Variants in F13A1 observed in about 807,000 individuals in gnomAD.
F13A1 encodes the protein coagulation factor XIII A chain.
Under a neutral mutation model 80.1 loss-of-function variants are expected in F13A1, and 47 were observed. The observed-to-expected ratio is 0.59, with a 90% CI of 0.46 to 0.75. The LOEUF is 0.75. Among genes scored for constraint, F13A1 ranks in the 30% least tolerant of loss-of-function variants. The pLI is 0.00. For missense variants in F13A1, 817 were observed against 930.4 expected (o/e 0.88, Z 1.59); for synonymous variants, 349 against 344.9 (o/e 1.01, Z -0.13).
At chr6:6,285,685 C>A (rs190905745) in intron 3 of F13A1, among the ~76,000 whole-genome samples, 1 of 152,210 alleles carries the variant, frequency 6.6e-6, no homozygotes, top group Non-Finnish European at 1.5e-5. Context: ...GGGCTTCCCC[C>A]ACTACGCACA....
At chr6:6,249,906 C>T (rs553633449) in intron 5 of F13A1, among the ~76,000 whole-genome samples, 38 of 152,202 alleles carry the variant, frequency 2.5e-4, no homozygotes, top group African/African-American at 8.4e-4. Context: ...TGTAATTCTC[C>T]GGAGTCAGGG....
In F13A1 at chr6:6,172,160, G is replaced by GGT. The variant is rs368912632; in HGVS notation, c.1747+2418_1747+2419dup. Among the ~76,000 whole-genome samples, 761 of 152,246 alleles carry GGT rather than the reference G, an allele frequency of 5.0e-3. 6 individuals are homozygous for GGT. The highest frequency in any genetic ancestry group is 0.017 in the African/African-American group (698 of 41,540). ...TAGGGGAATGAATCAAGAACCCCGG[G>GGT]GTGTGTGTGCTGTTTTTCCCCTTTG... is the stretch of plus-strand genomic sequence containing the variant. On this transcript the variant is annotated intron_variant, in intron 12 of 14. Transcript: ENST00000264870.
intron 14 of F13A1, among the ~76,000 whole-genome samples, 177 bp from the exon 15 acceptor site, chr6:6,145,949 A>G (rs1760271413): frequency 6.6e-6 from 1 of 152,064 alleles, no homozygotes. Context: ...CCCCCACATA[A>G]AGCTCTGCAG....
chr6:6,294,895 T>A (rs13212799), intron 3 of F13A1, among the ~76,000 whole-genome samples: 1 of 77,388 alleles, frequency 1.3e-5, no homozygotes, highest in African/African-American at 5.1e-5. Context: ...CCCTCCCCCC[T>A]CCCCCCACCC....
chr6:6,302,383 T>C (rs1441120737), intron 3 of F13A1, among the ~76,000 whole-genome samples: 1 of 152,208 alleles, frequency 6.6e-6, no homozygotes, highest in East Asian at 1.9e-4. Context: ...CTAGGCTATA[T>C]GGCAGAGCCT....
rs748126574 is a variant in F13A1, at chr6:6,266,659, T to C, written c.470A>G (p.Lys157Arg). The C allele has an allele frequency of 1.2e-5, 20 of 1,614,072 alleles. No homozygotes were observed. Among genetic ancestry groups the C allele is most frequent in the African/African-American group, 2.7e-5 (2 of 74,922 alleles). Residue 157 changes from lysine to arginine, a missense_variant, in exon 4 of 15, where the codon AAA becomes AGA. Physicochemically the swap from Lys to Arg is conservative, Grantham distance 26. Transcript: ENST00000264870. ...CCAGACAGCAACATACATGCGGAAT[T>C]TCCCCACAATACATTTGGGGGAAGA... ...IQSSPKCIVG[K>R]FRMYVAVWTP...
chr6:6,212,764 G>A (rs1319895465), intron 8 of F13A1, among the ~76,000 whole-genome samples: 1 of 152,146 alleles, frequency 6.6e-6, no homozygotes, highest in African/African-American at 2.4e-5. Context: ...CAAAGGCAAA[G>A]AAGTTGAAAA....
intron 4 of F13A1, among the ~76,000 whole-genome samples, chr6:6,265,007 T>A (rs1275807738): frequency 2.0e-5 from 3 of 152,104 alleles, no homozygotes; most frequent in African/African-American, 7.2e-5. Context: ...ATGACTGTAA[T>A]CCCAACACTT....
intron 4 of F13A1, among the ~76,000 whole-genome samples, chr6:6,253,139 T>A (rs1561668978): frequency 2.8e-5 from 2 of 70,502 alleles, no homozygotes; most frequent in African/African-American, 1.2e-4. Flanking sequence ...CTAGAATCTG[T>A]CCCAAAAAAA....
intron 2 of F13A1, among the ~76,000 whole-genome samples, chr6:6,306,111 C>T (rs746410003): frequency 1.3e-5 from 2 of 152,186 alleles, no homozygotes; most frequent in Non-Finnish European, 2.9e-5. Context: ...TAGATCTCAT[C>T]CCTCAAATGC....
At chr6:6,317,263 CTAACATA>C (rs1243924026) in intron 2 of F13A1, among the ~76,000 whole-genome samples, 1 of 152,186 alleles carries the variant, frequency 6.6e-6, no homozygotes, top group Admixed American at 6.5e-5. Flanking sequence ...CCTCTATTTC[CTAACATA>C]TAACATGGGG....
chr6:6,255,025 T>A (rs1040889466), intron 4 of F13A1, among the ~76,000 whole-genome samples: 1 of 152,190 alleles, frequency 6.6e-6, no homozygotes, highest in Admixed American at 6.5e-5. Context: ...TTTTTTATTA[T>A]CAGAGTCCTT....
chr6:6,172,159 G>A (rs1386518238), intron 12 of F13A1, among the ~76,000 whole-genome samples: 1 of 152,116 alleles, frequency 6.6e-6, no homozygotes, highest in Non-Finnish European at 1.5e-5. Flanking sequence ...AAGAACCCCG[G>A]GGTGTGTGTG....
intron 4 of F13A1, among the ~76,000 whole-genome samples, chr6:6,252,784 T>A (rs6597197): frequency 6.6e-6 from 1 of 151,994 alleles, no homozygotes; most frequent in Non-Finnish European, 1.5e-5. Flanking sequence ...ATGACCAATG[T>A]GAACCCAACC....
Position 6,211,870 on chromosome 6 carries a change from C to T in F13A1, c.1112+10163G>A, listed in dbSNP as rs183523639. On this transcript the variant is annotated intron_variant, in intron 8 of 14. Coordinates refer to ENST00000264870, the MANE Select transcript of F13A1 (RefSeq NM_000129.4). ...GTGAGGCATTGCCTCACTCGGGAAG[C>T]GCAAGGGGTCAGGGAGTTCCCTTCC... Among the ~76,000 whole-genome samples, 834 of 152,320 alleles carry T rather than the reference C, an allele frequency of 5.5e-3. 13 individuals carry two copies. Among genetic ancestry groups the T allele is most frequent in the African/African-American group, 0.019 (782 of 41,576 alleles).
rs201302247 is a variant in F13A1 at position 6,151,822 on chromosome 6, T to A, written c.2036A>T (p.Lys679Met). The change falls in exon 14 of 15, where the codon AAG becomes ATG. Residue 679 changes from lysine to methionine, a missense_variant. Lys to Met is a moderately conservative substitution (Grantham distance 95). Coordinates refer to ENST00000264870, the MANE Select transcript of F13A1 (RefSeq NM_000129.4). ...CCAACCCAAGGTTTACCGGAACATC[T>A]TCTTCATTGGTCTTGTTACTCCAGG... ...DGPGVTRPMKKMFREIRPNST... is the reference protein window; with the variant it reads ...DGPGVTRPMKMMFREIRPNST... The A allele has an allele frequency of 1.2e-4, 189 of 1,613,966 alleles. No homozygotes were observed. Among genetic ancestry groups the A allele is most frequent in the Admixed American group, 6.7e-5 (4 of 60,000 alleles).
rs374636415 is a variant in F13A1, at chr6:6,205,795, TAAAAC to T, written c.1113-8474_1113-8470del. ...TTTGGCAAAAATAAAACACAAGTTA[TAAAAC>T]AAAACAAAACGAAAACAACAAAAAT... On this transcript the variant is annotated intron_variant, in intron 8 of 14. Coordinates refer to ENST00000264870, the MANE Select transcript of F13A1 (RefSeq NM_000129.4). Among the ~76,000 whole-genome samples, 56 of 152,056 alleles carry T rather than the reference TAAAAC, an allele frequency of 3.7e-4. No individual in the cohort carries two copies. The East Asian group carries it at 5.8e-3, about 16-fold the overall frequency.
intron 8 of F13A1, among the ~76,000 whole-genome samples, chr6:6,209,401 A>G (rs1761560643): frequency 6.6e-6 from 1 of 152,156 alleles, no homozygotes; most frequent in Non-Finnish European, 1.5e-5. Context: ...GCTAGTGGGA[A>G]TACAGAATGG....
intron 8 of F13A1, among the ~76,000 whole-genome samples, chr6:6,210,348 T>TATATATATATATATATATATATATATA (rs1420900272): frequency 1.4e-3 from 189 of 134,536 alleles, no homozygotes; most frequent in African/African-American, 1.7e-3. Flanking sequence ...TATATATATA[T>TATATATATATATATATATATATATATA]TTCTTTTTTT....
Sources: gnomAD v4.1 joint callset for allele counts (sites outside exome capture counted in the v4.1 genomes callset) on GRCh38, gnomAD v4.1.1 for gene constraint, MANE v1.5 for transcripts, NCBI Gene and HGNC (gene_info 2026-07-23, HGNC 2026-07-21) for gene names.